GDI2: variants seen among roughly 807,000 people sequenced by gnomAD.
The protein encoded by GDI2 is rab GDP dissociation inhibitor beta.
Under a neutral mutation model 54.2 loss-of-function variants are expected in GDI2, and 22 were observed. The ratio of observed to expected loss-of-function variants is 0.41; its 90% CI spans 0.29 to 0.58. GDI2 has a LOEUF of 0.58. Among genes scored for constraint, GDI2 ranks in the 20% least tolerant of loss-of-function variants. The probability of loss-of-function intolerance (pLI) is 0.35; values close to 1 mark genes in which losing one functional copy is unlikely to be tolerated. For synonymous variants in GDI2, 177 were observed against 182.1 expected, an observed-to-expected ratio of 0.97 and a Z score of 0.23; for missense variants, 422 against 546.0, an observed-to-expected ratio of 0.77 and a Z score of 2.26.
At chr10:5,797,512 T>C (rs1442470316) in intron 2 of GDI2, among the ~76,000 whole-genome samples, 3 of 124,772 alleles carry the variant, frequency 2.4e-5, no homozygotes, top group African/African-American at 9.4e-5. Context: ...GTGACTGCAC[T>C]CCAGCCTAGT....
chr10:5,806,356 C>T (rs555996371), intron 1 of GDI2, among the ~76,000 whole-genome samples: 1 of 112,638 alleles, frequency 8.9e-6, no homozygotes, highest in African/African-American at 3.2e-5. Flanking sequence ...GGGAGAATCG[C>T]TTAAGCCCAG....
At chr10:5,787,546 GACT>G (rs1211785453) in intron 4 of GDI2, among the ~76,000 whole-genome samples, 5 of 151,894 alleles carry the variant, frequency 3.3e-5, no homozygotes, top group African/African-American at 7.2e-5. Context: ...AATGACAACT[GACT>G]ACATTTAATT....
At chr10:5,801,207 C>T (rs1841263514) in intron 1 of GDI2, among the ~76,000 whole-genome samples, 1 of 152,102 alleles carries the variant, frequency 6.6e-6, no homozygotes, top group Non-Finnish European at 1.5e-5. Flanking sequence ...CCCGCCTCAG[C>T]CTCCCAAAGT....
chr10:5,788,766 GTT>G (rs145169610), intron 4 of GDI2, among the ~76,000 whole-genome samples: 1 of 147,424 alleles, frequency 6.8e-6, no homozygotes. Context: ...AGGTTTGCAT[GTT>G]TTTTTTTTTT....
intron 4 of GDI2, among the ~76,000 whole-genome samples, chr10:5,793,800 G>A (rs1028706815): frequency 2.6e-5 from 4 of 152,080 alleles, no homozygotes; most frequent in African/African-American, 9.7e-5. Context: ...TAAGAGAGAC[G>A]CTGAAATAGG....
intron 1 of GDI2, among the ~76,000 whole-genome samples, chr10:5,808,870 G>C (rs1044507051): frequency 1.3e-5 from 2 of 152,076 alleles, no homozygotes; most frequent in Non-Finnish European, 2.9e-5. Flanking sequence ...TCAATGGCAA[G>C]TATCTTACAG....
In GDI2 at chr10:5,813,293, GA is replaced by G. The variant is rs1196778961; in HGVS notation, c.-36del. The G allele has an allele frequency of 1.2e-5, 18 of 1,536,174 alleles. No individual in the cohort carries two copies. The highest frequency in any genetic ancestry group is 2.8e-5 in the African/African-American group (2 of 72,570). Reference sequence around the variant, plus strand: ...GGCGCGGACGCAGGACCCGAGCAAGGAAAAGGCGCAGGGGCTCCGTGACCAC... The same window carrying G: ...GGCGCGGACGCAGGACCCGAGCAAGGAAAGGCGCAGGGGCTCCGTGACCAC... On this transcript the variant is annotated 5_prime_UTR_variant, in exon 1 of 11. Coordinates refer to ENST00000380191, the MANE Select transcript of GDI2 (RefSeq NM_001494.4).
intron 2 of GDI2, among the ~76,000 whole-genome samples, chr10:5,798,768 T>C (rs1232201082): frequency 2.0e-5 from 3 of 151,156 alleles, no homozygotes; most frequent in East Asian, 3.9e-4. Flanking sequence ...ATTTGAGGAG[T>C]TCGAGACCAG....
Position 5,785,105 on chromosome 10 carries a change from G to A in GDI2, c.719+37C>T, listed in dbSNP as rs759371011. On this transcript the variant is annotated intron_variant, in intron 6 of 10. Coordinates refer to ENST00000380191, the MANE Select transcript of GDI2 (RefSeq NM_001494.4). ...ATATACACATTATGTTGAAGATGAGGTTTTGGATCACTGAGGTTTTAAACA... is the reference window on the plus strand; with the variant it reads ...ATATACACATTATGTTGAAGATGAGATTTTGGATCACTGAGGTTTTAAACA... 6.7e-6 allele frequency: 10 copies of A among 1,498,406 alleles called. No homozygotes were observed. The Admixed American group carries it at 1.0e-4, about 16-fold the overall frequency. 92.8% of individuals were successfully genotyped at this position (1,498,406 alleles called of 1,614,324 possible). A position where few individuals can be genotyped will look rare whatever the true frequency, so the allele number is the denominator to read the frequency against.
intron 6 of GDI2, among the ~76,000 whole-genome samples, chr10:5,779,313 T>G (rs1840697337): frequency 6.6e-6 from 1 of 151,930 alleles, no homozygotes; most frequent in South Asian, 2.1e-4. Flanking sequence ...GATGAGACCA[T>G]CCTGGCCAAC....
intron 6 of GDI2, among the ~76,000 whole-genome samples, chr10:5,784,744 C>G (rs1472972050): frequency 6.6e-6 from 1 of 152,224 alleles, no homozygotes; most frequent in Non-Finnish European, 1.5e-5. Flanking sequence ...TAAGCTGGTA[C>G]TGGAGAGTGT....
At chr10:5,778,366 G>A (rs552936416) in intron 6 of GDI2, among the ~76,000 whole-genome samples, 8 of 152,312 alleles carry the variant, frequency 5.3e-5, no homozygotes, top group Middle Eastern at 3.4e-3. Flanking sequence ...ATGGTGGCCC[G>A]AGGGGCTGCC....
chr10:5,807,057 C>T (rs1841393968), intron 1 of GDI2, among the ~76,000 whole-genome samples: 1 of 152,148 alleles, frequency 6.6e-6, no homozygotes, highest in African/African-American at 2.4e-5. Context: ...ATGACAAGAG[C>T]TAACTAAAGC....
chr10:5,813,133 C>A, intron 1 of GDI2, 81 bp downstream of exon 1: 2 of 830,584 alleles, frequency 2.4e-6, no homozygotes, highest in Non-Finnish European at 1.8e-6. Flanking sequence ...CCCCGAGGAG[C>A]TGCGACCCGC....
chr10:5,770,568 AAAG>A (rs1318447051), intron 7 of GDI2, among the ~76,000 whole-genome samples: 3 of 151,546 alleles, frequency 2.0e-5, no homozygotes, highest in Admixed American at 6.6e-5. Flanking sequence ...TCTCAAAAAA[AAAG>A]AAGAGGAAAA....
rs183516832 is a variant in GDI2 at position 5,783,259 on chromosome 10, A to G, written c.719+1883T>C. On this transcript the variant is annotated intron_variant, in intron 6 of 10. Transcript: ENST00000380191. The stretch of plus-strand genomic sequence containing the variant: ...ATATAGTTATAAAATAAAAAATATA[A>G]GAATAGCTACTTCTGCTCGCTTCTG... Among the ~76,000 whole-genome samples the G allele has an allele frequency of 1.2e-3, 180 of 152,266 alleles. No homozygotes were observed. In the East Asian group the frequency reaches 0.029, roughly 24 times the overall value.
At chr10:5,802,597 C>CA (rs34590882) in intron 1 of GDI2, among the ~76,000 whole-genome samples, 323 of 145,118 alleles carry the variant, frequency 2.2e-3, no homozygotes, top group African/African-American at 7.8e-3. Context: ...GACTCCATCT[C>CA]AAAAAAAAAA....
At chr10:5,779,529 T>G (rs756856569) in intron 6 of GDI2, among the ~76,000 whole-genome samples, 4 of 150,128 alleles carry the variant, frequency 2.7e-5, no homozygotes, top group Non-Finnish European at 5.9e-5. Flanking sequence ...AATAAAACTA[T>G]AGAAAATGAG....
chr10:5,777,575 A>G (rs1316984624), intron 6 of GDI2, among the ~76,000 whole-genome samples: 1 of 152,160 alleles, frequency 6.6e-6, no homozygotes, highest in Non-Finnish European at 1.5e-5. Context: ...AAACCACAAA[A>G]CCATGTGAGA....
Sources: gnomAD v4.1 joint callset for allele counts (sites outside exome capture counted in the v4.1 genomes callset) on GRCh38, gnomAD v4.1.1 for gene constraint, MANE v1.5 for transcripts, NCBI Gene and HGNC (gene_info 2026-07-23, HGNC 2026-07-21) for gene names.